The following PTPN12 variants were observed in gnomAD, a reference collection of about 807,000 sequenced individuals.
PTPN12 encodes protein tyrosine phosphatase non-receptor type 12.
PTPN12 carries 29 observed loss-of-function variants against 97.6 expected under a neutral mutation model. The observed-to-expected ratio is 0.30, with a 90% CI of 0.22 to 0.41. The LOEUF is 0.41. Among genes scored for constraint, PTPN12 ranks in the 10% least tolerant of loss-of-function variants. The pLI, the probability that PTPN12 is intolerant of heterozygous loss-of-function variation, is 1.00. For missense variants in PTPN12, 819 were observed against 926.0 expected (o/e 0.88, Z 1.50); for synonymous variants, 327 against 300.4 (o/e 1.09, Z -0.91).
Position 77,607,238 on chromosome 7 carries a change from A to C in PTPN12, c.699A>C (p.Ala233=), listed in dbSNP as rs779818738. The change falls in exon 9 of 18, where the codon GCA becomes GCC. Residue 233 remains alanine (A), a synonymous_variant. Coordinates refer to ENST00000248594, the MANE Select transcript of PTPN12 (RefSeq NM_002835.4). ...TTTTCAAACTTTATATCCTTAGTGC[A>C]GGCTGTGGAAGAACAGGTGCCATTT... is the stretch of plus-strand genomic sequence containing the variant. ...EDVPICIHCS[A]GCGRTGAICA... 6.5e-5 allele frequency: 105 copies of C among 1,604,440 alleles called. No homozygotes were observed. Among genetic ancestry groups the C allele is most frequent in the Non-Finnish European group, 8.8e-5 (103 of 1,175,088 alleles).
intron 1 of PTPN12, among the ~76,000 whole-genome samples, chr7:77,568,487 A>C (rs1808346827): frequency 6.6e-6 from 1 of 152,116 alleles, no homozygotes; most frequent in South Asian, 2.1e-4. Context: ...AAAAATAGTA[A>C]TAATAATTAG....
intron 1 of PTPN12, among the ~76,000 whole-genome samples, chr7:77,546,743 G>C (rs1807236771): frequency 6.6e-6 from 1 of 152,142 alleles, no homozygotes; most frequent in Non-Finnish European, 1.5e-5. Flanking sequence ...TCACAGTTCA[G>C]CATGGCTGGG....
At chr7:77,579,614 T>G (rs994039989) in intron 2 of PTPN12, among the ~76,000 whole-genome samples, 1 of 152,244 alleles carries the variant, frequency 6.6e-6, no homozygotes, top group Admixed American at 6.5e-5. Context: ...TTCTCTGTAC[T>G]ATTTTTACAG....
intron 14 of PTPN12, among the ~76,000 whole-genome samples, chr7:77,634,468 CTCAT>C (rs948118737): frequency 2.0e-5 from 3 of 151,970 alleles, no homozygotes; most frequent in African/African-American, 7.2e-5. Flanking sequence ...GAGATGGAGT[CTCAT>C]TCTGTCGCCC....
chr7:77,547,291 TTTACTAACTGAACAGACCTGTGA>T (rs1289250892), intron 1 of PTPN12, among the ~76,000 whole-genome samples: 3 of 152,158 alleles, frequency 2.0e-5, no homozygotes, highest in Non-Finnish European at 4.4e-5. Flanking sequence ...GTTCAGGAAG[TTTACTAACTGAACAGACCTGTGA>T]GAAGCAGCGG....
chr7:77,604,254 C>T (rs1351853675), intron 8 of PTPN12, among the ~76,000 whole-genome samples: 7 of 107,534 alleles, frequency 6.5e-5, no homozygotes, highest in East Asian at 3.0e-4. Context: ...CTTGGGCTGT[C>T]GCCTGGGCTG....
chr7:77,569,357 A>G (rs753054981), intron 1 of PTPN12, among the ~76,000 whole-genome samples: 58 of 152,172 alleles, frequency 3.8e-4, no homozygotes, highest in Non-Finnish European at 5.9e-5. Context: ...TCATCTTACT[A>G]TATATAAAAA....
At chr7:77,614,274 A>C (rs141999806) in intron 11 of PTPN12, among the ~76,000 whole-genome samples, 2,792 of 152,320 alleles carry the variant, frequency 0.018, 33 homozygotes, top group Middle Eastern at 0.071. Flanking sequence ...ATCTTTTTCT[A>C]ATTAGATCAA....
At chr7:77,604,465 C>T (rs1788294521) in intron 8 of PTPN12, among the ~76,000 whole-genome samples, 1 of 151,980 alleles carries the variant, frequency 6.6e-6, no homozygotes, top group African/African-American at 2.4e-5. Flanking sequence ...TCACCTGCCT[C>T]GGCCTCCCAA....
At chr7:77,569,588 T>C (rs1419177764) in intron 1 of PTPN12, among the ~76,000 whole-genome samples, 1 of 151,780 alleles carries the variant, frequency 6.6e-6, no homozygotes, top group Non-Finnish European at 1.5e-5. Flanking sequence ...CTGGATAACA[T>C]AGTGAAACGC....
intron 8 of PTPN12, among the ~76,000 whole-genome samples, chr7:77,606,058 G>T (rs910805461): frequency 3.5e-5 from 5 of 141,760 alleles, no homozygotes; most frequent in Non-Finnish European, 6.0e-5. Flanking sequence ...CGGTTCAAGT[G>T]ATTCTCCTGC....
chr7:77,549,602 A>G (rs1807388862), intron 1 of PTPN12, among the ~76,000 whole-genome samples: 1 of 149,360 alleles, frequency 6.7e-6, no homozygotes, highest in South Asian at 2.1e-4. Flanking sequence ...TTTTTAAGAG[A>G]TAGGGTCCTG....
chr7:77,573,100 A>AAAAC lies in PTPN12; in HGVS notation c.208+1917_208+1918insCAAA, dbSNP rs1554314847. The stretch of plus-strand genomic sequence containing the variant: ...TCTATCTCAAAAAAAAAAAAAACAA[A>AAAAC]AAAACAAAAAAAACCAGTGTACCTA... On this transcript the variant is annotated intron_variant, in intron 2 of 17. Coordinates refer to ENST00000248594, the MANE Select transcript of PTPN12 (RefSeq NM_002835.4). Among the ~76,000 whole-genome samples the AAAAC allele has an allele frequency of 3.2e-5, 4 of 125,074 alleles. 1 individual carries two copies. Among genetic ancestry groups the AAAAC allele is most frequent in the East Asian group, 4.6e-4 (1 of 2,160 alleles). The allele number at this position is 125,074 out of a possible 152,430, so 82.1% of individuals were successfully genotyped here. A position where few individuals can be genotyped will look rare whatever the true frequency, so the allele number is the denominator to read the frequency against.
At chr7:77,556,344 T>C (rs1250566728) in intron 1 of PTPN12, among the ~76,000 whole-genome samples, 1 of 151,812 alleles carries the variant, frequency 6.6e-6, no homozygotes. Context: ...ATTACAGGCA[T>C]GAGCCACCCA....
At chr7:77,617,003 G>C (rs941505666) in intron 11 of PTPN12, among the ~76,000 whole-genome samples, 1 of 152,022 alleles carries the variant, frequency 6.6e-6, no homozygotes, top group Non-Finnish European at 1.5e-5. Context: ...GGCTGGTCTC[G>C]AACTCTAGAC....
At chr7:77,540,534 G>A (rs1355754677) in intron 1 of PTPN12, among the ~76,000 whole-genome samples, 1 of 152,012 alleles carries the variant, frequency 6.6e-6, no homozygotes, top group Admixed American at 6.6e-5. Context: ...ATGAGCCACC[G>A]AGAGTTCATT....
intron 1 of PTPN12, among the ~76,000 whole-genome samples, chr7:77,539,427 G>C (rs924481567): frequency 1.3e-5 from 2 of 152,092 alleles, no homozygotes; most frequent in Admixed American, 1.3e-4. Context: ...TGATCTGAAA[G>C]GGTTAAGGAA....
At chr7:77,592,941 C>G (rs1056713871) in intron 6 of PTPN12, among the ~76,000 whole-genome samples, 2 of 151,862 alleles carry the variant, frequency 1.3e-5, no homozygotes, top group Non-Finnish European at 2.9e-5. Flanking sequence ...TCTTTAGGTG[C>G]CATAAAAAGA....
chr7:77,638,179 C>T (rs1293359885), intron 16 of PTPN12, among the ~76,000 whole-genome samples: 1 of 151,552 alleles, frequency 6.6e-6, no homozygotes, highest in Non-Finnish European at 1.5e-5. Flanking sequence ...AGGATGATCT[C>T]GATATCCTGA....
Sources: gnomAD v4.1 joint callset for allele counts (sites outside exome capture counted in the v4.1 genomes callset) on GRCh38, gnomAD v4.1.1 for gene constraint, MANE v1.5 for transcripts, NCBI Gene and HGNC (gene_info 2026-07-23, HGNC 2026-07-21) for gene names.